NKAIN2: variants seen among roughly 807,000 people sequenced by gnomAD.
The protein encoded by NKAIN2 is sodium/potassium transporting ATPase interacting 2.
NKAIN2 carries 14 observed loss-of-function variants against 32.6 expected under a neutral mutation model. That is an observed-to-expected ratio of 0.43 (90% CI 0.28 to 0.67). The LOEUF is 0.67. Ranked by LOEUF, NKAIN2 falls within the 30% of genes least tolerant of loss-of-function variation. The pLI, the probability that NKAIN2 is intolerant of heterozygous loss-of-function variation, is 0.17. For synonymous variants in NKAIN2, 80 were observed against 87.2 expected (o/e 0.92, Z 0.46); for missense variants, 198 against 258.3 (o/e 0.77, Z 1.60).
intron 1 of NKAIN2, among the ~76,000 whole-genome samples, chr6:123,871,059 A>G (rs928964645): frequency 6.6e-6 from 1 of 152,020 alleles, no homozygotes; most frequent in Non-Finnish European, 1.5e-5. Context: ...CACATTACCT[A>G]TTCATTTCCC....
intron 1 of NKAIN2, among the ~76,000 whole-genome samples, chr6:123,923,347 C>G (rs1775846765): frequency 1.3e-5 from 2 of 151,250 alleles, no homozygotes; most frequent in Non-Finnish European, 2.9e-5. Flanking sequence ...TAACTTTTCA[C>G]TATAAGCTTT....
At chr6:124,355,906 A>C in intron 3 of NKAIN2, among the ~76,000 whole-genome samples, 1 of 152,010 alleles carries the variant, frequency 6.6e-6, no homozygotes, top group Middle Eastern at 3.2e-3. Context: ...TTGCTACTAT[A>C]TTTTTCACAT....
chr6:124,672,068 C>A (rs552283761), intron 4 of NKAIN2, among the ~76,000 whole-genome samples: 1 of 151,972 alleles, frequency 6.6e-6, no homozygotes, highest in East Asian at 1.9e-4. Flanking sequence ...AACTAGAATG[C>A]CATTCTTAAG....
At chr6:124,246,259 A>G (rs1339297641) in intron 1 of NKAIN2, among the ~76,000 whole-genome samples, 2 of 152,042 alleles carry the variant, frequency 1.3e-5, no homozygotes, top group Non-Finnish European at 2.9e-5. Context: ...TTAAATGCAC[A>G]TGTCTGATCA....
intron 1 of NKAIN2, among the ~76,000 whole-genome samples, chr6:123,811,771 G>T (rs796665934): frequency 2.9e-4 from 44 of 152,058 alleles, no homozygotes; most frequent in African/African-American, 9.9e-4. Context: ...AATGGCCCTA[G>T]TTAGAACAAC....
chr6:124,609,583 C>G (rs747542158), intron 3 of NKAIN2, among the ~76,000 whole-genome samples: 4 of 152,048 alleles, frequency 2.6e-5, no homozygotes, highest in Non-Finnish European at 4.4e-5. Flanking sequence ...TGTGTCTGAT[C>G]GATGTGTCTC....
intron 3 of NKAIN2, among the ~76,000 whole-genome samples, chr6:124,522,402 G>A (rs1230359354): frequency 6.6e-6 from 1 of 152,106 alleles, no homozygotes; most frequent in African/African-American, 2.4e-5. Context: ...AGGAGAATTT[G>A]GTGAAATTAT....
chr6:124,641,041 G>C (rs1783967359), intron 3 of NKAIN2, among the ~76,000 whole-genome samples: 1 of 152,106 alleles, frequency 6.6e-6, no homozygotes, highest in African/African-American at 2.4e-5. Flanking sequence ...GAACATATCG[G>C]GTTTAACATG....
At chr6:123,899,972 C>T (rs1007330989) in intron 1 of NKAIN2, among the ~76,000 whole-genome samples, 3 of 152,056 alleles carry the variant, frequency 2.0e-5, no homozygotes, top group Non-Finnish European at 2.9e-5. Flanking sequence ...TCTCTCTGAC[C>T]ATGATGCTCG....
In NKAIN2 at chr6:123,969,262, C is replaced by T. The variant is rs997393382; in HGVS notation, c.54+165008C>T. On this transcript the variant is annotated intron_variant, in intron 1 of 6. Coordinates refer to ENST00000368417, the MANE Select transcript of NKAIN2 (RefSeq NM_001040214.3). Reference sequence around the variant, plus strand: ...ATTAATGTGTGATGGGATTTTTGCTCATTATGGTATGAAATGATGTGAGGT... The same window carrying T: ...ATTAATGTGTGATGGGATTTTTGCTTATTATGGTATGAAATGATGTGAGGT... Among the ~76,000 whole-genome samples, 6 of 152,080 alleles carry T rather than the reference C, an allele frequency of 3.9e-5. No homozygotes were observed. In the East Asian group the frequency reaches 1.2e-3, roughly 29 times the overall value.
At chr6:123,958,349 G>A (rs747451758) in intron 1 of NKAIN2, among the ~76,000 whole-genome samples, 32 of 152,198 alleles carry the variant, frequency 2.1e-4, no homozygotes, top group Non-Finnish European at 3.8e-4. Context: ...GAAGGCACCT[G>A]TGAGGCAGGA....
intron 1 of NKAIN2, among the ~76,000 whole-genome samples, chr6:123,894,496 G>A (rs147694177): frequency 6.6e-6 from 1 of 152,234 alleles, no homozygotes; most frequent in Non-Finnish European, 1.5e-5. Context: ...ATTAGCTGTC[G>A]ATGTTTTCAA....
At chr6:124,448,391 A>C (rs1031955254) in intron 3 of NKAIN2, among the ~76,000 whole-genome samples, 1 of 152,172 alleles carries the variant, frequency 6.6e-6, no homozygotes, top group Non-Finnish European at 1.5e-5. Flanking sequence ...AATTGTGACC[A>C]AGACCAAGAG....
chr6:124,575,935 G>A (rs1477730691), intron 3 of NKAIN2, among the ~76,000 whole-genome samples: 1 of 152,182 alleles, frequency 6.6e-6, no homozygotes, highest in African/African-American at 2.4e-5. Context: ...TGCATTGAAA[G>A]TGCAAAAGCA....
chr6:124,281,587 T>G (rs1020943078), intron 1 of NKAIN2, among the ~76,000 whole-genome samples: 1 of 152,202 alleles, frequency 6.6e-6, no homozygotes, highest in African/African-American at 2.4e-5. Context: ...AAGGTTCTTT[T>G]GTTTTTTTAA....
intron 3 of NKAIN2, among the ~76,000 whole-genome samples, chr6:124,381,289 A>T (rs1772623349): frequency 6.6e-6 from 1 of 152,176 alleles, no homozygotes; most frequent in Non-Finnish European, 1.5e-5. Flanking sequence ...CTTTTAAAGA[A>T]ATTAGTAAAT....
intron 3 of NKAIN2, among the ~76,000 whole-genome samples, chr6:124,638,888 A>ATC (rs1491386697): frequency 1.2e-4 from 5 of 43,292 alleles, no homozygotes; most frequent in Admixed American, 5.4e-4. Context: ...AGACTCTGTC[A>ATC]AAAAAAAAAA....
chr6:123,832,680 A>T (rs1774436964), intron 1 of NKAIN2, among the ~76,000 whole-genome samples: 1 of 152,192 alleles, frequency 6.6e-6, no homozygotes, highest in Non-Finnish European at 1.5e-5. Context: ...ACAGGCATGT[A>T]GAAGTATCTC....
chr6:124,450,417 A>G (rs1344829436), intron 3 of NKAIN2, among the ~76,000 whole-genome samples: 1 of 151,942 alleles, frequency 6.6e-6, no homozygotes, highest in African/African-American at 2.4e-5. Flanking sequence ...TTATATGTGC[A>G]TGTATGATAA....
Sources: allele counts gnomAD v4.1 joint callset (sites outside exome capture counted in the v4.1 genomes callset), GRCh38; gene constraint gnomAD v4.1.1; transcripts MANE v1.5; gene names NCBI Gene and HGNC (gene_info 2026-07-23, HGNC 2026-07-21).